HECW2: variants seen among roughly 807,000 people sequenced by gnomAD.
The protein encoded by HECW2 is E3 ubiquitin-protein ligase HECW2.
A neutral mutation model predicts 175.2 loss-of-function variants in HECW2; 61 were observed. The observed-to-expected ratio is 0.35, with a 90% CI of 0.28 to 0.43. The LOEUF is 0.43. HECW2 is among the 20% of genes least tolerant of loss of function. The pLI, the probability that HECW2 is intolerant of heterozygous loss-of-function variation, is 1.00. For missense variants in HECW2, 1,524 were observed against 2,000.5 expected (o/e 0.76, Z 4.54); for synonymous variants, 671 against 731.0 (o/e 0.92, Z 1.32).
intron 2 of HECW2, among the ~76,000 whole-genome samples, chr2:196,385,092 T>A (rs1186895677): frequency 1.3e-5 from 2 of 152,006 alleles, no homozygotes; most frequent in African/African-American, 4.8e-5. Flanking sequence ...AATTTTTATT[T>A]GTAGAGACAG....
chr2:196,467,565 A>T (rs991163935), intron 1 of HECW2, among the ~76,000 whole-genome samples: 2 of 152,214 alleles, frequency 1.3e-5, no homozygotes, highest in Non-Finnish European at 2.9e-5. Context: ...GACTCTTCTT[A>T]GGGAACCCTA....
chr2:196,204,392 T>C lies in HECW2; in HGVS notation c.4608-3004A>G, dbSNP rs114597805. Among the ~76,000 whole-genome samples, 755 of 152,320 alleles carry C rather than the reference T, an allele frequency of 5.0e-3. 1 individual carries two copies. Among genetic ancestry groups the C allele is most frequent in the African/African-American group, 0.016 (679 of 41,570 alleles). ...GCTATTGTAATGGGTATGAAGTCCA[T>C]TCACCTTTTAAAGCCTTAGGATTTC... On this transcript the variant is annotated intron_variant, in intron 28 of 28. Coordinates refer to ENST00000644978, the MANE Select transcript of HECW2 (RefSeq NM_001348768.2).
At chr2:196,548,287 G>A (rs1355398464) in intron 1 of HECW2, among the ~76,000 whole-genome samples, 6 of 147,884 alleles carry the variant, frequency 4.1e-5, no homozygotes, top group Admixed American at 1.4e-4. Context: ...CTGAGATCTC[G>A]CCAGTGCACT....
intron 21 of HECW2, among the ~76,000 whole-genome samples, chr2:196,234,294 T>A (rs1475736929): frequency 2.7e-5 from 4 of 150,238 alleles, no homozygotes; most frequent in Non-Finnish European, 2.9e-5. Context: ...TTTTTTTTTT[T>A]AAAGAGACAG....
At chr2:196,381,456 T>C (rs1045611239) in intron 2 of HECW2, among the ~76,000 whole-genome samples, 2 of 152,122 alleles carry the variant, frequency 1.3e-5, no homozygotes, top group Non-Finnish European at 2.9e-5. Context: ...CTACCCAAAA[T>C]CAACCAACAG....
chr2:196,285,931 A>C (rs983571288), intron 14 of HECW2, among the ~76,000 whole-genome samples: 7 of 152,234 alleles, frequency 4.6e-5, no homozygotes, highest in Non-Finnish European at 1.0e-4. Flanking sequence ...CAGAGTCCCA[A>C]AAACAGTCGG....
At chr2:196,562,216 C>G (rs1690024893) in intron 1 of HECW2, among the ~76,000 whole-genome samples, 1 of 152,132 alleles carries the variant, frequency 6.6e-6, no homozygotes, top group Non-Finnish European at 1.5e-5. Context: ...CTTCATAGTT[C>G]CTTCCCTTTC....
chr2:196,334,109 T>C (rs577775449), intron 4 of HECW2, among the ~76,000 whole-genome samples: 1 of 152,222 alleles, frequency 6.6e-6, no homozygotes. Context: ...CACTCTTTCC[T>C]ACCAACTGGT....
At chr2:196,440,530 G>A (rs1234649952) in intron 1 of HECW2, among the ~76,000 whole-genome samples, 14 of 152,110 alleles carry the variant, frequency 9.2e-5, no homozygotes. Flanking sequence ...TAAAATTTGA[G>A]TTTTAGCTAC....
chr2:196,545,763 C>G (rs963820641), intron 1 of HECW2, among the ~76,000 whole-genome samples: 4 of 152,144 alleles, frequency 2.6e-5, no homozygotes, highest in African/African-American at 9.7e-5. Context: ...ATCACATTTC[C>G]CCTGTTCCCA....
chr2:196,417,796 T>C (rs1414161004), intron 2 of HECW2, among the ~76,000 whole-genome samples: 1 of 152,230 alleles, frequency 6.6e-6, no homozygotes. Flanking sequence ...AAAAAGTGGC[T>C]GTCATGGAGC....
At chr2:196,297,594 C>T (rs191240935) in intron 13 of HECW2, among the ~76,000 whole-genome samples, 1 of 152,272 alleles carries the variant, frequency 6.6e-6, no homozygotes, top group East Asian at 1.9e-4. Flanking sequence ...GTCCTAATTT[C>T]ACCTAATTCT....
At chr2:196,409,783 AAGTGCC>A (rs1249140218) in intron 2 of HECW2, among the ~76,000 whole-genome samples, 1 of 152,154 alleles carries the variant, frequency 6.6e-6, no homozygotes, top group Non-Finnish European at 1.5e-5. Context: ...CAGGAATGAA[AAGTGCC>A]ATGCTACCAG....
intron 1 of HECW2, among the ~76,000 whole-genome samples, chr2:196,565,342 T>C (rs1690148299): frequency 6.6e-6 from 1 of 152,166 alleles, no homozygotes; most frequent in Non-Finnish European, 1.5e-5. Flanking sequence ...TCTTTCGGCA[T>C]TTTGCCCAAA....
intron 4 of HECW2, chr2:196,331,161 A>T (rs1276473371): frequency 2.0e-6 from 2 of 985,446 alleles, no homozygotes; most frequent in Non-Finnish European, 2.4e-6. Context: ...TGTCCTCTGC[A>T]ACACACCAGG....
At position 196,292,664 on chromosome 2, in the gene HECW2, G is replaced by C; in HGVS notation, c.2901C>G (p.Tyr967Ter). Residue 967 changes from tyrosine to a stop codon, truncating the protein, a stop_gained, in exon 14 of 29, where the codon TAC becomes TAG. Transcript: ENST00000644978. LOFTEE classifies it high-confidence loss of function. ...VRRDTHHFER[Y>*]QHNRDLVGFL... ...ATCCCACAAGGTCGCGGTTATGCTGGTAGCGTTCAAAGTGGTGGGTGTCCC... is the reference window on the plus strand; with the variant it reads ...ATCCCACAAGGTCGCGGTTATGCTGCTAGCGTTCAAAGTGGTGGGTGTCCC... 6.2e-7 allele frequency: 1 copy of C among 1,614,152 alleles called. No individual in the cohort carries two copies. Among genetic ancestry groups the C allele is most frequent in the Non-Finnish European group, 8.5e-7 (1 of 1,180,004 alleles).
Position 196,278,465 on chromosome 2 carries a change from A to C in HECW2, c.3135+63T>G, listed in dbSNP as rs2105986219. 2.0e-6 allele frequency: 3 copies of C among 1,514,472 alleles called. No individual in the cohort carries two copies. The South Asian group carries it at 3.9e-5, about 19-fold the overall frequency. The allele number at this position is 1,514,472 out of a possible 1,614,324, so 93.8% of individuals were successfully genotyped here. The stretch of plus-strand genomic sequence containing the variant: ...TTTAAAAAAATCAGTCAAATTCCTC[A>C]AACCATCACATACTAGAAGCTTCTA... On this transcript the variant is annotated intron_variant, in intron 15 of 28. Coordinates refer to ENST00000644978, the MANE Select transcript of HECW2 (RefSeq NM_001348768.2).
At chr2:196,388,012 C>G (rs1304329391) in intron 2 of HECW2, among the ~76,000 whole-genome samples, 3 of 152,092 alleles carry the variant, frequency 2.0e-5, no homozygotes, top group Non-Finnish European at 4.4e-5. Context: ...ATTTTGTGGC[C>G]AGAAACAGTG....
At chr2:196,580,988 T>C (rs534541549) in intron 1 of HECW2, among the ~76,000 whole-genome samples, 1 of 152,180 alleles carries the variant, frequency 6.6e-6, no homozygotes, top group Non-Finnish European at 1.5e-5. Flanking sequence ...TAGTGACACA[T>C]GCTACAACAT....
Sources: allele counts gnomAD v4.1 joint callset (sites outside exome capture counted in the v4.1 genomes callset), GRCh38; gene constraint gnomAD v4.1.1; transcripts MANE v1.5; gene names NCBI Gene and HGNC (gene_info 2026-07-23, HGNC 2026-07-21).